The following TAFA1 variants were observed in gnomAD, a reference collection of about 807,000 sequenced individuals.
TAFA1 encodes the protein TAFA chemokine like family member 1.
In TAFA1, 4 loss-of-function variants were observed where a neutral mutation model predicts 18.5. The ratio of observed to expected loss-of-function variants is 0.22; its 90% CI spans 0.11 to 0.49. The LOEUF (loss-of-function observed/expected upper bound fraction) is 0.49, where lower values mean the gene tolerates loss of function less well. Among genes scored for constraint, TAFA1 ranks in the 20% least tolerant of loss-of-function variants. TAFA1 has a pLI of 0.98. For missense variants in TAFA1, 147 were observed against 169.0 expected (o/e 0.87, Z 0.72); for synonymous variants, 56 against 55.2 (o/e 1.01, Z -0.06).
intron 2 of TAFA1, among the ~76,000 whole-genome samples, chr3:68,155,993 CT>C (rs201677527): frequency 3.4e-4 from 52 of 152,238 alleles, no homozygotes; most frequent in African/African-American, 7.9e-4. Flanking sequence ...TAGGTTACTA[CT>C]TTTTTTCCCC....
At chr3:68,406,628 G>A (rs1291253320) in intron 2 of TAFA1, among the ~76,000 whole-genome samples, 2 of 152,166 alleles carry the variant, frequency 1.3e-5, no homozygotes, top group East Asian at 1.9e-4. Context: ...ATGTATTGAA[G>A]GAAAGTCTAC....
chr3:68,347,854 G>A (rs936782600), intron 2 of TAFA1, among the ~76,000 whole-genome samples: 1 of 152,120 alleles, frequency 6.6e-6, no homozygotes, highest in African/African-American at 2.4e-5. Flanking sequence ...TCAGGATAAT[G>A]TCTCTGAGCC....
chr3:68,533,145 G>A (rs982041676), intron 3 of TAFA1, among the ~76,000 whole-genome samples: 1 of 151,798 alleles, frequency 6.6e-6, no homozygotes, highest in South Asian at 2.1e-4. Context: ...TTATGATGCT[G>A]TATTAGTCCG....
At chr3:67,996,757 G>C in the TAFA1 span, among the ~76,000 whole-genome samples, 132 of 151,538 alleles carry the variant, frequency 8.7e-4, no homozygotes, top group African/African-American at 3.1e-3. Flanking sequence ...CGAGGTCACT[G>C]TACTTCAGCT....
intron 2 of TAFA1, among the ~76,000 whole-genome samples, chr3:68,033,784 T>C (rs73837251): frequency 0.029 from 4,418 of 152,326 alleles, 94 homozygotes; most frequent in East Asian, 0.13. Context: ...TTAGAGGACA[T>C]CATTATCTGC....
At chr3:68,464,931 T>C (rs1230157271) in intron 3 of TAFA1, among the ~76,000 whole-genome samples, 3 of 152,102 alleles carry the variant, frequency 2.0e-5, no homozygotes, top group Admixed American at 6.5e-5. Flanking sequence ...TCCCCCTTCT[T>C]CCTTAATCTA....
chr3:68,212,384 A>G (rs1237097431), intron 2 of TAFA1, among the ~76,000 whole-genome samples: 1 of 152,016 alleles, frequency 6.6e-6, no homozygotes, highest in Non-Finnish European at 1.5e-5. Context: ...GTAGAGAAGC[A>G]GCATGATATT....
chr3:68,403,120 C>G (rs2070530697), intron 2 of TAFA1, among the ~76,000 whole-genome samples: 1 of 152,156 alleles, frequency 6.6e-6, no homozygotes, highest in African/African-American at 2.4e-5. Context: ...GCATGCTGTA[C>G]TGGTTTGTAG....
intron 3 of TAFA1, among the ~76,000 whole-genome samples, chr3:68,448,928 T>C (rs1330746528): frequency 1.5e-4 from 23 of 152,156 alleles, no homozygotes; most frequent in Admixed American, 1.5e-3. Context: ...TAATAACTGT[T>C]AGAGAAGCAG....
chr3:68,237,894 A>G (rs1047928281), intron 2 of TAFA1, among the ~76,000 whole-genome samples: 1 of 152,208 alleles, frequency 6.6e-6, no homozygotes, highest in Non-Finnish European at 1.5e-5. Context: ...ACAAAATATC[A>G]TAATAGCAGA....
chr3:68,352,915 G>A (rs990111375), intron 2 of TAFA1, among the ~76,000 whole-genome samples: 1 of 152,020 alleles, frequency 6.6e-6, no homozygotes, highest in Non-Finnish European at 1.5e-5. Flanking sequence ...GACCTTCCCA[G>A]GGTATAGGGC....
intron 2 of TAFA1, among the ~76,000 whole-genome samples, chr3:68,068,699 T>C (rs891601220): frequency 5.9e-5 from 9 of 152,186 alleles, no homozygotes; most frequent in African/African-American, 2.2e-4. Context: ...CCTCATGTGT[T>C]ATGGTTCTAG....
chr3:68,131,260 T>A (rs924940526), intron 2 of TAFA1, among the ~76,000 whole-genome samples: 18 of 152,256 alleles, frequency 1.2e-4, no homozygotes, highest in Non-Finnish European at 4.4e-5. Flanking sequence ...TATTTTCCCA[T>A]GATCTGGGTA....
chr3:68,329,658 A>G (rs1471642160), intron 2 of TAFA1, among the ~76,000 whole-genome samples: 1 of 152,154 alleles, frequency 6.6e-6, no homozygotes. Flanking sequence ...GGCTTTCTAC[A>G]AGCTCAAGGA....
chr3:68,417,705 C>A, intron 3 of TAFA1: 1 of 307,320 alleles, frequency 3.3e-6, no homozygotes. Flanking sequence ...TGTATTAGTC[C>A]ATTCTCACAC....
intron 2 of TAFA1, among the ~76,000 whole-genome samples, chr3:68,227,874 T>C (rs1310584436): frequency 2.0e-5 from 3 of 152,332 alleles, no homozygotes; most frequent in South Asian, 2.1e-4. Context: ...GCAAGGTCTG[T>C]ACGTTATAAG....
chr3:68,333,767 A>G (rs375930306), intron 2 of TAFA1, among the ~76,000 whole-genome samples: 10 of 152,330 alleles, frequency 6.6e-5, no homozygotes, highest in East Asian at 3.9e-4. Context: ...CAAGATACAG[A>G]GTCACCACAA....
At chr3:68,518,616 C>T (rs2072963882) in intron 3 of TAFA1, among the ~76,000 whole-genome samples, 1 of 152,128 alleles carries the variant, frequency 6.6e-6, no homozygotes, top group Admixed American at 6.5e-5. Context: ...GTTTATGGAG[C>T]ACTTACTTTG....
chr3:68,466,941 T>C (rs1175662577), intron 3 of TAFA1, among the ~76,000 whole-genome samples: 1 of 152,150 alleles, frequency 6.6e-6, no homozygotes, highest in African/African-American at 2.4e-5. Flanking sequence ...CAGCAAGTTT[T>C]TATTAGCCAA....
Sources: allele counts gnomAD v4.1 joint callset (sites outside exome capture counted in the v4.1 genomes callset), GRCh38; gene constraint gnomAD v4.1.1; transcripts MANE v1.5; gene names NCBI Gene and HGNC (gene_info 2026-07-23, HGNC 2026-07-21).